SOX5: variants seen among roughly 807,000 people sequenced by gnomAD.
SOX5 encodes the protein SRY-box transcription factor 5.
SOX5 carries 9 observed loss-of-function variants against 92.0 expected under a neutral mutation model. The observed-to-expected ratio is 0.10, with a 90% CI of 0.06 to 0.17. The LOEUF (loss-of-function observed/expected upper bound fraction) is 0.17. SOX5 is among the 10% of genes least tolerant of loss of function. The probability of loss-of-function intolerance (pLI) is 1.00; values close to 1 mark genes in which losing one functional copy is unlikely to be tolerated. For synonymous variants in SOX5, 344 were observed against 336.3 expected (o/e 1.02, Z -0.25); for missense variants, 642 against 944.5 (o/e 0.68, Z 4.20).
At chr12:23,895,208 CAAAAAAA>C (rs33970684) in intron 2 of SOX5, among the ~76,000 whole-genome samples, 6 of 91,310 alleles carry the variant, frequency 6.6e-5, no homozygotes, top group African/African-American at 1.7e-4. Flanking sequence ...GAATAGGATG[CAAAAAAA>C]AAAAAAAAAA....
chr12:24,040,799 G>C (rs903296325), intron 4 of SOX5, among the ~76,000 whole-genome samples: 1 of 152,156 alleles, frequency 6.6e-6, no homozygotes, highest in Non-Finnish European at 1.5e-5. Context: ...CGTACACCTG[G>C]GAGGCGGAGC....
chr12:24,275,904 G>C (rs1375989929), intron 3 of SOX5, among the ~76,000 whole-genome samples: 1 of 152,022 alleles, frequency 6.6e-6, no homozygotes, highest in Non-Finnish European at 1.5e-5. Flanking sequence ...CCCCTAGTTA[G>C]ATAAGTGAGG....
chr12:23,841,068 A>T (rs1178396692), intron 3 of SOX5, among the ~76,000 whole-genome samples: 1 of 152,160 alleles, frequency 6.6e-6, no homozygotes, highest in African/African-American at 2.4e-5. Flanking sequence ...TGGTAGAAAT[A>T]TTTGTAAAAC....
At chr12:24,285,720 T>C (rs1945787156) in intron 2 of SOX5, among the ~76,000 whole-genome samples, 1 of 152,212 alleles carries the variant, frequency 6.6e-6, no homozygotes. Flanking sequence ...TAACAAAACA[T>C]GACCTTCCAG....
intron 4 of SOX5, among the ~76,000 whole-genome samples, chr12:24,148,462 T>C (rs1333087199): frequency 2.7e-5 from 3 of 112,904 alleles, no homozygotes; most frequent in African/African-American, 3.6e-5. Context: ...ACCACTGCAC[T>C]CCAGCCTAGG....
intron 1 of SOX5, among the ~76,000 whole-genome samples, chr12:24,543,394 G>A (rs1188966432): frequency 6.6e-6 from 1 of 152,224 alleles, no homozygotes; most frequent in Non-Finnish European, 1.5e-5. Flanking sequence ...TTACTATGAA[G>A]ATCAATATGT....
chr12:24,094,454 C>CTTT (rs5797062), intron 4 of SOX5, among the ~76,000 whole-genome samples: 1,560 of 127,668 alleles, frequency 0.012, 35 homozygotes, highest in African/African-American at 0.037. Flanking sequence ...CTATTAGTGG[C>CTTT]TTTTTTTTTT....
chr12:23,890,340 C>T (rs542996911), intron 2 of SOX5, among the ~76,000 whole-genome samples: 1 of 151,300 alleles, frequency 6.6e-6, no homozygotes, highest in East Asian at 1.9e-4. Flanking sequence ...AAAAAAATTA[C>T]ACTGTTCACT....
chr12:24,121,781 G>C (rs1948646134), intron 4 of SOX5, among the ~76,000 whole-genome samples: 1 of 150,872 alleles, frequency 6.6e-6, no homozygotes, highest in Non-Finnish European at 1.5e-5. Flanking sequence ...AGATGTTTGG[G>C]AGGCTGAGGC....
intron 3 of SOX5, among the ~76,000 whole-genome samples, chr12:23,835,178 G>C (rs192305799): frequency 1.3e-5 from 2 of 151,710 alleles, no homozygotes; most frequent in Non-Finnish European, 2.9e-5. Flanking sequence ...TAAGATAGTC[G>C]GTTGCCTTCG....
At chr12:24,122,302 A>G (rs1269383016) in intron 4 of SOX5, among the ~76,000 whole-genome samples, 1 of 152,238 alleles carries the variant, frequency 6.6e-6, no homozygotes, top group African/African-American at 2.4e-5. Context: ...AAGATGGGGA[A>G]GAGATCCAGT....
chr12:23,687,180 G>A (rs886790768), intron 6 of SOX5, among the ~76,000 whole-genome samples: 15 of 151,948 alleles, frequency 9.9e-5, no homozygotes, highest in Admixed American at 9.2e-4. Flanking sequence ...AAAATTGAAT[G>A]GGCCTACATG....
At chr12:24,322,363 T>C (rs1246178078) in intron 2 of SOX5, among the ~76,000 whole-genome samples, 2 of 150,592 alleles carry the variant, frequency 1.3e-5, no homozygotes, top group African/African-American at 4.9e-5. Context: ...CACCTCCCCC[T>C]AGATGGAGAC....
intron 3 of SOX5, among the ~76,000 whole-genome samples, chr12:23,768,735 C>A (rs1016688537): frequency 6.6e-6 from 1 of 151,908 alleles, no homozygotes; most frequent in Admixed American, 6.6e-5. Context: ...CGTAAGAAAT[C>A]TGGGAAGTGA....
intron 4 of SOX5, among the ~76,000 whole-genome samples, chr12:24,192,726 T>C (rs1956643193): frequency 6.6e-6 from 1 of 152,216 alleles, no homozygotes; most frequent in African/African-American, 2.4e-5. Flanking sequence ...GATAGAAATT[T>C]ACCAGTTTTT....
At chr12:24,054,846 C>G (rs11047239) in intron 4 of SOX5, among the ~76,000 whole-genome samples, 46,565 of 151,956 alleles carry the variant, frequency 0.31, 7,678 homozygotes, top group African/African-American at 0.41. Context: ...GAGGTATAAC[C>G]TTGTTTAAAA....
At chr12:24,079,209 G>C (rs1943028995) in intron 4 of SOX5, among the ~76,000 whole-genome samples, 1 of 149,106 alleles carries the variant, frequency 6.7e-6, no homozygotes, top group African/African-American at 2.4e-5. Flanking sequence ...AAAAAAACCA[G>C]CTTCAGAATT....
At chr12:23,979,577 T>C (rs1260481682) in intron 4 of SOX5, among the ~76,000 whole-genome samples, 19 of 151,278 alleles carry the variant, frequency 1.3e-4, no homozygotes, top group Non-Finnish European at 5.9e-5. Flanking sequence ...ACTGGCCTCC[T>C]AAAAAAAGAA....
At chr12:23,726,146 A>T (rs1228834431) in intron 6 of SOX5, among the ~76,000 whole-genome samples, 3 of 27,306 alleles carry the variant, frequency 1.1e-4, no homozygotes, top group African/African-American at 2.4e-4. Context: ...AGAGAGAGAG[A>T]GAGAGAGAGA....
Sources: gnomAD v4.1 joint callset for allele counts (sites outside exome capture counted in the v4.1 genomes callset) on GRCh38, gnomAD v4.1.1 for gene constraint, MANE v1.5 for transcripts, NCBI Gene and HGNC (gene_info 2026-07-23, HGNC 2026-07-21) for gene names.